The following PPP6R3 variants were observed in gnomAD, a reference collection of about 807,000 sequenced individuals.
The protein encoded by PPP6R3 is serine/threonine-protein phosphatase 6 regulatory subunit 3.
PPP6R3 carries 38 observed loss-of-function variants against 110.7 expected under a neutral mutation model. The observed-to-expected ratio is 0.34, with a 90% CI of 0.26 to 0.45. The LOEUF is 0.45. PPP6R3 is among the 20% of genes least tolerant of loss of function. The pLI is 1.00. For synonymous variants in PPP6R3, 369 were observed against 373.5 expected (o/e 0.99, Z 0.14); for missense variants, 870 against 1,062.4 (o/e 0.82, Z 2.52).
At position 68,613,797 on chromosome 11, in the gene PPP6R3, C is replaced by T. The variant is rs1338953980; in HGVS notation, c.*680C>T. The T allele has an allele frequency of 9.1e-6, 9 of 984,172 alleles. No individual in the cohort carries two copies. The highest frequency in any genetic ancestry group is 6.2e-5 in the Admixed American group (1 of 16,230). The allele number at this position is 984,172 out of a possible 1,614,324, so 61.0% of individuals were successfully genotyped here. ...ATCATAGTTGATAAATTGATGTTAT[C>T]GTAAAGCCATATGTTCTGTTCAAGT... On this transcript the variant is annotated 3_prime_UTR_variant, in exon 24 of 24. Coordinates refer to ENST00000393800, the MANE Select transcript of PPP6R3 (RefSeq NM_001164161.2).
chr11:68,571,177 A>G, intron 12 of PPP6R3, 73 bp downstream of exon 12: 1 of 1,501,658 alleles, frequency 6.7e-7, no homozygotes, highest in Non-Finnish European at 8.9e-7. Flanking sequence ...TCCTTGCCCT[A>G]GTCAGAAAAA....
chr11:68,569,788 C>T lies in PPP6R3; in HGVS notation c.1169C>T (p.Thr390Ile), dbSNP rs2099495506. The T allele has an allele frequency of 2.5e-6, 4 of 1,602,258 alleles. No homozygotes were observed. Among genetic ancestry groups the T allele is most frequent in the African/African-American group, 1.3e-5 (1 of 74,618 alleles). ...FKYTWNNFLH[T>I]QVEICIALIL... The stretch of plus-strand genomic sequence containing the variant: ...TATACATGGAATAACTTTTTGCATA[C>T]ACAAGTGGAAATTTGTATTGCACTG... The change falls in exon 11 of 24, where the codon ACA becomes ATA. Residue 390 changes from threonine to isoleucine, a missense_variant. Physicochemically the swap from Thr to Ile is moderately conservative, Grantham distance 89. Coordinates refer to ENST00000393800, the MANE Select transcript of PPP6R3 (RefSeq NM_001164161.2).
intron 3 of PPP6R3, among the ~76,000 whole-genome samples, chr11:68,539,083 C>A (rs968165369): frequency 6.6e-6 from 1 of 152,212 alleles, no homozygotes; most frequent in African/African-American, 2.4e-5. Context: ...CTGTCATCCC[C>A]CAAATGATAG....
intron 1 of PPP6R3, among the ~76,000 whole-genome samples, chr11:68,478,568 C>T (rs757101686): frequency 4.1e-5 from 6 of 145,276 alleles, no homozygotes; most frequent in East Asian, 2.1e-4. Flanking sequence ...ACGTTTTAGG[C>T]GTGCCTTTTG....
intron 12 of PPP6R3, among the ~76,000 whole-genome samples, chr11:68,573,752 A>G (rs1217581906): frequency 6.6e-6 from 1 of 152,226 alleles, no homozygotes; most frequent in Non-Finnish European, 1.5e-5. Flanking sequence ...GTTTCATTAA[A>G]AAGATGTAAA....
intron 3 of PPP6R3, among the ~76,000 whole-genome samples, chr11:68,544,224 A>G (rs987670222): frequency 1.3e-5 from 2 of 152,168 alleles, no homozygotes; most frequent in African/African-American, 2.4e-5. Flanking sequence ...CTAAATAGCT[A>G]GGACAACATT....
intron 20 of PPP6R3, among the ~76,000 whole-genome samples, chr11:68,601,648 G>T (rs942334654): frequency 6.6e-6 from 1 of 152,132 alleles, no homozygotes; most frequent in Non-Finnish European, 1.5e-5. Flanking sequence ...TGCCTTGCTG[G>T]CTTAACAGAA....
chr11:68,612,781 C>A (rs1944239858), intron 23 of PPP6R3: 2 of 443,164 alleles, frequency 4.5e-6, no homozygotes, highest in East Asian at 5.0e-5. Context: ...CCTAGTCACT[C>A]CCTGTGCTTC....
intron 17 of PPP6R3, 124 bp from the exon 18 acceptor site, chr11:68,591,452 G>A: frequency 1.2e-6 from 1 of 813,156 alleles, no homozygotes; most frequent in Non-Finnish European, 1.8e-6. Context: ...TTTTATTTTG[G>A]TGTATGTGAT....
In PPP6R3 at chr11:68,558,779, A is replaced by G. The variant is rs191892469; in HGVS notation, c.845+100A>G. On this transcript the variant is annotated intron_variant, in intron 8 of 23. Coordinates refer to ENST00000393800, the MANE Select transcript of PPP6R3 (RefSeq NM_001164161.2). ...ATAAGCTGTAATAGCGTACCTTTGA[A>G]TTGCAGTTGCTGATTCTTCTTCTGC... 14 of 837,018 alleles carry G rather than the reference A, an allele frequency of 1.7e-5. No individual in the cohort carries two copies. In the East Asian group the frequency reaches 1.8e-4, roughly 11 times the overall value. The allele number at this position is 837,018 out of a possible 1,614,324, so 51.8% of individuals were successfully genotyped here.
At chr11:68,612,884 A>T in intron 23 of PPP6R3, 182 bp from the exon 24 acceptor site, 1 of 1,208,228 alleles carries the variant, frequency 8.3e-7, no homozygotes, top group South Asian at 1.5e-5. Context: ...GCTTAGATGC[A>T]CTCACTCAGA....
At chr11:68,570,059 A>G (rs542833993) in intron 11 of PPP6R3, among the ~76,000 whole-genome samples, 162 bp downstream of exon 11, 1 of 152,368 alleles carries the variant, frequency 6.6e-6, no homozygotes, top group South Asian at 2.1e-4. Context: ...ATAAATCATT[A>G]TATAAATCAA....
chr11:68,604,903 G>A (rs1367422300), intron 22 of PPP6R3, among the ~76,000 whole-genome samples: 1 of 152,140 alleles, frequency 6.6e-6, no homozygotes, highest in Non-Finnish European at 1.5e-5. Context: ...TGAAATTAAT[G>A]AAATTTCCAT....
intron 1 of PPP6R3, among the ~76,000 whole-genome samples, chr11:68,465,007 G>A (rs751602044): frequency 6.6e-6 from 1 of 151,666 alleles, no homozygotes; most frequent in Non-Finnish European, 1.5e-5. Context: ...TTAGCCTCCT[G>A]AGTAGCTAGG....
intron 1 of PPP6R3, among the ~76,000 whole-genome samples, chr11:68,486,122 A>G (rs1000732654): frequency 6.6e-6 from 1 of 151,878 alleles, no homozygotes; most frequent in African/African-American, 2.4e-5. Flanking sequence ...TGGTTGTGGT[A>G]TATAATTTTT....
At chr11:68,502,820 C>T (rs1408150772) in intron 1 of PPP6R3, among the ~76,000 whole-genome samples, 2 of 152,172 alleles carry the variant, frequency 1.3e-5, no homozygotes, top group Non-Finnish European at 2.9e-5. Flanking sequence ...GATTAAATAC[C>T]ATGTGCTTGT....
intron 15 of PPP6R3, among the ~76,000 whole-genome samples, chr11:68,585,436 A>G (rs1384002773): frequency 1.3e-5 from 2 of 152,230 alleles, no homozygotes; most frequent in Non-Finnish European, 2.9e-5. Context: ...TGGTTGGCTC[A>G]CTTCTCAGTG....
intron 10 of PPP6R3, 107 bp downstream of exon 10, chr11:68,567,273 GGT>G: frequency 8.1e-7 from 1 of 1,227,748 alleles, no homozygotes; most frequent in Non-Finnish European, 1.1e-6. Flanking sequence ...GACTTTTCTT[GGT>G]CTGAGCATAA....
chr11:68,520,093 G>A (rs2099156678), intron 2 of PPP6R3, among the ~76,000 whole-genome samples: 1 of 152,192 alleles, frequency 6.6e-6, no homozygotes, highest in Non-Finnish European at 1.5e-5. Flanking sequence ...CACTTTAGAA[G>A]TTTTTATTAA....
Sources: gnomAD v4.1 joint callset for allele counts (sites outside exome capture counted in the v4.1 genomes callset) on GRCh38, gnomAD v4.1.1 for gene constraint, MANE v1.5 for transcripts, NCBI Gene and HGNC (gene_info 2026-07-23, HGNC 2026-07-21) for gene names.